The following HPSE2 variants were observed in gnomAD, a reference collection of about 807,000 sequenced individuals.
The protein encoded by HPSE2 is inactive heparanase-2.
In HPSE2, 38 loss-of-function variants were observed where a neutral mutation model predicts 60.5. The observed-to-expected ratio is 0.63, with a 90% CI of 0.48 to 0.82. HPSE2 has a LOEUF of 0.82. Among genes scored for constraint, HPSE2 ranks in the 40% least tolerant of loss-of-function variants. The pLI is 0.00. For missense variants in HPSE2, 713 were observed against 740.4 expected (o/e 0.96, Z 0.43); for synonymous variants, 295 against 293.2 (o/e 1.01, Z -0.06).
At chr10:99,090,794 A>C (rs1337546351) in intron 3 of HPSE2, among the ~76,000 whole-genome samples, 1 of 152,026 alleles carries the variant, frequency 6.6e-6, no homozygotes, top group East Asian at 1.9e-4. Flanking sequence ...CAAAATATCT[A>C]AGGTGCTTAT....
chr10:98,626,110 A>C (rs1448845456), intron 7 of HPSE2, among the ~76,000 whole-genome samples: 1 of 130,500 alleles, frequency 7.7e-6, no homozygotes, highest in Non-Finnish European at 1.7e-5. Flanking sequence ...CGTCTCAAAA[A>C]AAAAAAAGAA....
intron 4 of HPSE2, among the ~76,000 whole-genome samples, chr10:98,739,466 G>GA (rs1316532040): frequency 6.7e-6 from 1 of 149,660 alleles, no homozygotes; most frequent in Non-Finnish European, 1.5e-5. Context: ...AAAAGAAGAA[G>GA]AAAAAAAGAA....
intron 6 of HPSE2, among the ~76,000 whole-genome samples, chr10:98,652,293 A>T (rs1292930592): frequency 1.3e-5 from 2 of 152,190 alleles, no homozygotes. Flanking sequence ...GGAAGGAAAC[A>T]CCAACATAGT....
In HPSE2 at chr10:98,997,112, C is replaced by CTTTTT. The variant is rs34434956; in HGVS notation, c.610+147121_610+147125dup. On this transcript the variant is annotated intron_variant, in intron 3 of 11. Transcript: ENST00000370552. ...TTACTTTAGTCAATACAGACCCTTTCTTTTTTTTTTTTTTTTTTGAGACAG... is the reference window on the plus strand; with the variant it reads ...TTACTTTAGTCAATACAGACCCTTTCTTTTTTTTTTTTTTTTTTTTTTTGAGACAG... Among the ~76,000 whole-genome samples the CTTTTT allele has an allele frequency of 1.8e-4, 21 of 119,726 alleles. 2 individuals are homozygous for CTTTTT. The highest frequency in any genetic ancestry group is 2.2e-4 in the African/African-American group (7 of 31,302). 78.5% of individuals were successfully genotyped at this position (119,726 alleles called of 152,430 possible).
At chr10:98,919,353 T>C (rs901503236) in intron 3 of HPSE2, among the ~76,000 whole-genome samples, 2 of 152,174 alleles carry the variant, frequency 1.3e-5, no homozygotes, top group African/African-American at 2.4e-5. Context: ...ATGCCTCATA[T>C]GCCATGCTAC....
At chr10:99,107,482 C>A (rs1477937484) in intron 3 of HPSE2, among the ~76,000 whole-genome samples, 1 of 152,102 alleles carries the variant, frequency 6.6e-6, no homozygotes. Flanking sequence ...TCAAACCATG[C>A]CGTCTTCTAC....
At chr10:98,544,363 C>T (rs1263722367) in intron 9 of HPSE2, among the ~76,000 whole-genome samples, 1 of 152,088 alleles carries the variant, frequency 6.6e-6, no homozygotes, top group Non-Finnish European at 1.5e-5. Flanking sequence ...CACTAAATGC[C>T]CACAAGAGAA....
chr10:99,014,589 G>A lies in HPSE2; in HGVS notation c.610+129649C>T, dbSNP rs894516320. ...CCCACAAACAGTGTATAAGTGTTCC[G>A]TTTTCTCCACAACCTCACCAGCATA... On this transcript the variant is annotated intron_variant, in intron 3 of 11. Transcript: ENST00000370552. Among the ~76,000 whole-genome samples the A allele has an allele frequency of 3.0e-4, 46 of 152,002 alleles. 1 individual carries two copies. Among genetic ancestry groups the A allele is most frequent in the East Asian group, 7.7e-4 (4 of 5,170 alleles).
chr10:98,660,572 A>C (rs1468911310), intron 6 of HPSE2, among the ~76,000 whole-genome samples: 3 of 152,348 alleles, frequency 2.0e-5, no homozygotes, highest in Non-Finnish European at 4.4e-5. Flanking sequence ...ATTTTGGCAA[A>C]GGGCTGGCAA....
At position 98,743,758 on chromosome 10, in the gene HPSE2, G is replaced by A. The variant is rs889465039; in HGVS notation, c.784+125C>T. The A allele has an allele frequency of 2.7e-5, 23 of 851,736 alleles. No individual in the cohort carries two copies. The African/African-American group carries it at 3.5e-4, about 13-fold the overall frequency. The allele number at this position is 851,736 out of a possible 1,614,324, so 52.8% of individuals were successfully genotyped here. On this transcript the variant is annotated intron_variant, in intron 4 of 11. Coordinates refer to ENST00000370552, the MANE Select transcript of HPSE2 (RefSeq NM_021828.5). ...CTACCATTTGGATAGTCAACTCAGT[G>A]GCCAAACATCACAAACGTTTTCTGG...
intron 3 of HPSE2, among the ~76,000 whole-genome samples, chr10:98,801,542 C>T (rs1401102033): frequency 6.6e-6 from 1 of 152,052 alleles, no homozygotes. Context: ...AGTAGTATTT[C>T]TATATGTCAA....
intron 3 of HPSE2, among the ~76,000 whole-genome samples, chr10:98,978,522 T>C (rs1956137796): frequency 6.6e-6 from 1 of 152,182 alleles, no homozygotes; most frequent in African/African-American, 2.4e-5. Flanking sequence ...TTTGCCACAG[T>C]TGCATTTTAG....
At chr10:98,498,544 G>A (rs1941927507) in intron 9 of HPSE2, among the ~76,000 whole-genome samples, 1 of 152,144 alleles carries the variant, frequency 6.6e-6, no homozygotes, top group Non-Finnish European at 1.5e-5. Context: ...CTACCCAAAT[G>A]AGAAGCAACC....
intron 3 of HPSE2, among the ~76,000 whole-genome samples, chr10:98,803,317 T>G (rs1950961954): frequency 6.7e-6 from 1 of 150,118 alleles, no homozygotes; most frequent in Non-Finnish European, 1.5e-5. Flanking sequence ...CAGAAGCCCT[T>G]TAGTTTAATT....
chr10:98,724,935 T>C (rs542543019), intron 4 of HPSE2, among the ~76,000 whole-genome samples: 1 of 152,170 alleles, frequency 6.6e-6, no homozygotes, highest in East Asian at 1.9e-4. Context: ...TTACAAGGGA[T>C]GTGAAGGACC....
intron 3 of HPSE2, among the ~76,000 whole-genome samples, chr10:98,874,667 G>T (rs1952824770): frequency 6.6e-6 from 1 of 152,030 alleles, no homozygotes; most frequent in African/African-American, 2.4e-5. Flanking sequence ...AATGATGAGA[G>T]AGGGCGTCTT....
At chr10:99,117,834 G>A (rs1258146055) in intron 3 of HPSE2, among the ~76,000 whole-genome samples, 1 of 152,148 alleles carries the variant, frequency 6.6e-6, no homozygotes, top group Non-Finnish European at 1.5e-5. Context: ...CCAAAAAATT[G>A]AGGATGAGGG....
At chr10:98,591,608 G>A (rs546449801) in intron 9 of HPSE2, among the ~76,000 whole-genome samples, 6 of 152,086 alleles carry the variant, frequency 3.9e-5, no homozygotes, top group Non-Finnish European at 8.8e-5. Context: ...GTTGTAGTCA[G>A]CTGAGATCAC....
rs1341906668 is a variant in HPSE2, at chr10:98,571,608, T to C, written c.1320+43296A>G. Among the ~76,000 whole-genome samples, 4 of 137,850 alleles carry C rather than the reference T, an allele frequency of 2.9e-5. No homozygotes were observed. In the Admixed American group the frequency reaches 3.2e-4, roughly 11 times the overall value. 90.4% of individuals were successfully genotyped at this position (137,850 alleles called of 152,430 possible). A position where few individuals can be genotyped will look rare whatever the true frequency, so the allele number is the denominator to read the frequency against. On this transcript the variant is annotated intron_variant, in intron 9 of 11. Transcript: ENST00000370552. ...TCTCCTAACATATCCATAGTAGACCTAGAACTGTATTCAATATTTACTTAC... is the reference window on the plus strand; with the variant it reads ...TCTCCTAACATATCCATAGTAGACCCAGAACTGTATTCAATATTTACTTAC...
Sources: allele counts gnomAD v4.1 joint callset (sites outside exome capture counted in the v4.1 genomes callset), GRCh38; gene constraint gnomAD v4.1.1; transcripts MANE v1.5; gene names NCBI Gene and HGNC (gene_info 2026-07-23, HGNC 2026-07-21).